Variants in CREBBP observed in about 807,000 individuals in gnomAD.
CREBBP encodes CREB-binding protein.
In CREBBP, 19 loss-of-function variants were observed where a neutral mutation model predicts 265.0. That is an observed-to-expected ratio of 0.07 (90% CI 0.05 to 0.11). CREBBP has a LOEUF of 0.11. CREBBP is among the 10% of genes least tolerant of loss of function. The probability of loss-of-function intolerance (pLI) is 1.00; values close to 1 mark genes in which losing one functional copy is unlikely to be tolerated. For missense variants in CREBBP, 2,525 were observed against 3,219.0 expected, an observed-to-expected ratio of 0.78 and a Z score of 5.22; for synonymous variants, 1,457 against 1,223.7, an observed-to-expected ratio of 1.19 and a Z score of -3.98.
chr16:3,737,342 T>C (rs74005853), intron 26 of CREBBP, among the ~76,000 whole-genome samples: 3,039 of 152,266 alleles, frequency 0.02, 91 homozygotes, highest in African/African-American at 0.068. Flanking sequence ...AGGGTTCCGT[T>C]TACACAAAGG....
At chr16:3,820,059 C>A (rs2054112511) in intron 2 of CREBBP, among the ~76,000 whole-genome samples, 1 of 152,188 alleles carries the variant, frequency 6.6e-6, no homozygotes, top group Non-Finnish European at 1.5e-5. Flanking sequence ...CAGTTCAGTA[C>A]ATCAAGAGCA....
At chr16:3,832,452 A>G (rs2054361956) in intron 2 of CREBBP, among the ~76,000 whole-genome samples, 1 of 152,214 alleles carries the variant, frequency 6.6e-6, no homozygotes, top group South Asian at 2.1e-4. Flanking sequence ...ATCTTCTGAG[A>G]AAAGTGTCAT....
chr16:3,734,708 C>T (rs1431681084), intron 28 of CREBBP, among the ~76,000 whole-genome samples: 2 of 152,200 alleles, frequency 1.3e-5, no homozygotes, highest in Non-Finnish European at 2.9e-5. Flanking sequence ...CGCGCCTCCT[C>T]TGTCCTGCGA....
chr16:3,860,055 G>A (rs1567370866), intron 1 of CREBBP, among the ~76,000 whole-genome samples: 1 of 152,080 alleles, frequency 6.6e-6, no homozygotes, highest in South Asian at 2.1e-4. Flanking sequence ...GCCCTCAACC[G>A]TGGGATCTGA....
intron 15 of CREBBP, 124 bp from the exon 16 acceptor site, chr16:3,768,033 T>A (rs1281057034): frequency 1.3e-5 from 11 of 837,896 alleles, no homozygotes; most frequent in Admixed American, 3.9e-5. Context: ...CAGAGTTGCA[T>A]TTATGATTCC....
At chr16:3,815,220 C>T (rs2054014638) in intron 2 of CREBBP, among the ~76,000 whole-genome samples, 1 of 152,114 alleles carries the variant, frequency 6.6e-6, no homozygotes, top group African/African-American at 2.4e-5. Context: ...TGAAAATCTA[C>T]ATTTCTTTAA....
chr16:3,785,989 G>A (rs1434882927), intron 5 of CREBBP, among the ~76,000 whole-genome samples: 1 of 152,164 alleles, frequency 6.6e-6, no homozygotes, highest in African/African-American at 2.4e-5. Context: ...TGAACAAAAG[G>A]CCAAGTTTTA....
rs150352220 is a variant in CREBBP, at chr16:3,866,201, A to G, written c.85+13631T>C. On this transcript the variant is annotated intron_variant, in intron 1 of 30. Transcript: ENST00000262367. ...GTATTTTTTTCTAAAGGGATGTGAC[A>G]ATCGACATGTAACATTTTGTACCCA... Among the ~76,000 whole-genome samples the G allele has an allele frequency of 3.5e-4, 53 of 152,342 alleles. 1 individual carries two copies. In the East Asian group the frequency reaches 9.6e-3, roughly 28 times the overall value.
At chr16:3,803,285 T>G (rs1596969702) in intron 3 of CREBBP, among the ~76,000 whole-genome samples, 2 of 44,052 alleles carry the variant, frequency 4.5e-5, no homozygotes, top group Admixed American at 4.0e-4. Flanking sequence ...GGGGGGTGGA[T>G]CACGAGGTCA....
intron 11 of CREBBP, among the ~76,000 whole-genome samples, chr16:3,777,341 A>C (rs2053166909): frequency 6.6e-6 from 1 of 151,902 alleles, no homozygotes; most frequent in African/African-American, 2.4e-5. Context: ...TCTCAAAAAA[A>C]TAAAAATAAA....
At chr16:3,815,975 T>G (rs1480305559) in intron 2 of CREBBP, among the ~76,000 whole-genome samples, 3 of 152,156 alleles carry the variant, frequency 2.0e-5, no homozygotes. Flanking sequence ...GTTCAGTTAA[T>G]AGTAAAATTT....
intron 16 of CREBBP, among the ~76,000 whole-genome samples, chr16:3,760,471 C>T (rs996582588): frequency 1.5e-5 from 2 of 137,274 alleles, no homozygotes; most frequent in Admixed American, 1.6e-4. Flanking sequence ...GGTACGATCT[C>T]GGCTCACAGC....
chr16:3,866,003 C>T (rs1232320455), intron 1 of CREBBP, among the ~76,000 whole-genome samples: 2 of 152,152 alleles, frequency 1.3e-5, no homozygotes, highest in Non-Finnish European at 2.9e-5. Context: ...AACTTCAGCA[C>T]CAGGTGGTAA....
chr16:3,828,756 A>G (rs1434844467), intron 2 of CREBBP, among the ~76,000 whole-genome samples: 1 of 152,200 alleles, frequency 6.6e-6, no homozygotes, highest in Non-Finnish European at 1.5e-5. Context: ...AAATTCTACC[A>G]CTTTCAAACA....
rs547199626 is a variant in CREBBP at position 3,810,570 on chromosome 16, G to A, written c.975+33C>T. 88 of 1,610,798 alleles carry A rather than the reference G, an allele frequency of 5.5e-5. No individual in the cohort carries two copies. In the South Asian group the frequency reaches 9.2e-4, roughly 17 times the overall value. On this transcript the variant is annotated intron_variant, in intron 3 of 30. Coordinates refer to ENST00000262367, the MANE Select transcript of CREBBP (RefSeq NM_004380.3). ...TCCACAGACCACAGCACCCACCGGAGAGCCATAACACTGAGGGCCAAGGGT... is the reference window on the plus strand; with the variant it reads ...TCCACAGACCACAGCACCCACCGGAAAGCCATAACACTGAGGGCCAAGGGT...
intron 2 of CREBBP, among the ~76,000 whole-genome samples, chr16:3,817,860 T>C (rs1290534634): frequency 6.6e-6 from 1 of 152,036 alleles, no homozygotes; most frequent in Non-Finnish European, 1.5e-5. Flanking sequence ...TTTTGTGTGA[T>C]GTTCATTTCT....
chr16:3,749,563 A>G (rs2052426243), intron 21 of CREBBP, 64 bp downstream of exon 21: 1 of 1,125,608 alleles, frequency 8.9e-7, no homozygotes, highest in Non-Finnish European at 1.3e-6. Context: ...CCCACTCCAT[A>G]AGGAGTAACT....
intron 16 of CREBBP, among the ~76,000 whole-genome samples, chr16:3,760,641 T>C (rs973459643): frequency 6.6e-6 from 1 of 152,066 alleles, no homozygotes; most frequent in Non-Finnish European, 1.5e-5. Context: ...TGATCTCAAA[T>C]GATCTACCCG....
rs148965820 is a variant in CREBBP, at chr16:3,795,783, GAA to G, written c.976-2159_976-2158del. Among the ~76,000 whole-genome samples, 373 of 152,182 alleles carry G rather than the reference GAA, an allele frequency of 2.5e-3. 6 individuals carry two copies. In the East Asian group the frequency reaches 0.062, roughly 25 times the overall value. On this transcript the variant is annotated intron_variant, in intron 3 of 30. Transcript: ENST00000262367. ...GGAATGGAGATATGGAGGAATGGGA[GAA>G]ACACAAAATGAGCCTCATTTAGGAC...
Sources: allele counts gnomAD v4.1 joint callset (sites outside exome capture counted in the v4.1 genomes callset), GRCh38; gene constraint gnomAD v4.1.1; transcripts MANE v1.5; gene names NCBI Gene and HGNC (gene_info 2026-07-23, HGNC 2026-07-21).